The following SPRING1 variants were observed in gnomAD, a reference collection of about 807,000 sequenced individuals.
The protein encoded by SPRING1 is SREBP regulating gene protein.
SPRING1 carries 14 observed loss-of-function variants against 24.7 expected under a neutral mutation model. The observed-to-expected ratio is 0.57, with a 90% CI of 0.37 to 0.88. The LOEUF (loss-of-function observed/expected upper bound fraction) is 0.88, where lower values mean the gene tolerates loss of function less well. Ranked by LOEUF, SPRING1 falls within the 40% of genes least tolerant of loss-of-function variation. The pLI is 0.00. For synonymous variants in SPRING1, 93 were observed against 106.1 expected (o/e 0.88, Z 0.76); for missense variants, 255 against 268.4 (o/e 0.95, Z 0.35).
intron 4 of SPRING1, among the ~76,000 whole-genome samples, chr12:116,719,059 C>T (rs1271526926): frequency 5.3e-5 from 8 of 152,186 alleles, no homozygotes; most frequent in Non-Finnish European, 1.2e-4. Flanking sequence ...CTTAGAGACA[C>T]CATGAATAGG....
In SPRING1 at chr12:116,717,002, G is replaced by A. The variant is rs922118474; in HGVS notation, c.*808C>T. The stretch of plus-strand genomic sequence containing the variant: ...AAATGAGAACAAATTCCTCCAGGAA[G>A]AGAAATTAGATTTCTGCTAAAACAG... On this transcript the variant is annotated 3_prime_UTR_variant, in exon 5 of 5. Transcript: ENST00000261318. This position sits in a 1 kb window ranked among gnomAD's most constrained non-coding sequence, Gnocchi z 4.2. The A allele has an allele frequency of 5.3e-5, 8 of 152,318 alleles. No homozygotes were observed. The highest frequency in any genetic ancestry group is 1.7e-4 in the African/African-American group (7 of 41,570). The allele number at this position is 152,318 out of a possible 1,614,324, so 9.4% of individuals were successfully genotyped here.
At position 116,711,633 on chromosome 12, in the gene SPRING1, C is replaced by G. The variant is rs1490025629; in HGVS notation, c.*6177G>C. 1 of 152,186 alleles carries G rather than the reference C, an allele frequency of 6.6e-6. No homozygotes were observed. Among genetic ancestry groups the G allele is most frequent in the East Asian group, 1.9e-4 (1 of 5,196 alleles). 9.4% of individuals were successfully genotyped at this position (152,186 alleles called of 1,614,324 possible). A position where few individuals can be genotyped will look rare whatever the true frequency, so the allele number is the denominator to read the frequency against. ...TTAGACAACACTTTTTTCCCCTCCT[C>G]AGACAGGGTCTCACTCTGTGGCCCA... On this transcript the variant is annotated 3_prime_UTR_variant, in exon 5 of 5. Transcript: ENST00000261318.
intron 1 of SPRING1, among the ~76,000 whole-genome samples, chr12:116,737,248 C>A (rs998568680): frequency 2.6e-5 from 4 of 152,168 alleles, no homozygotes; most frequent in Non-Finnish European, 5.9e-5. Context: ...GCACCTCTCC[C>A]CACCCTCGGA....
At chr12:116,735,574 A>C (rs1871179007) in intron 1 of SPRING1, among the ~76,000 whole-genome samples, 1 of 151,840 alleles carries the variant, frequency 6.6e-6, no homozygotes, top group Non-Finnish European at 1.5e-5. Context: ...TCTATTAAAA[A>C]TACAAAAATT....
rs1869886931 is a variant in SPRING1 at position 116,711,878 on chromosome 12, G to C, written c.*5932C>G. The C allele has an allele frequency of 6.6e-6, 1 of 152,314 alleles. No individual in the cohort carries two copies. Among genetic ancestry groups the C allele is most frequent in the Non-Finnish European group, 1.5e-5 (1 of 68,164 alleles). 9.4% of individuals were successfully genotyped at this position (152,314 alleles called of 1,614,324 possible). ...AATCCTCTCACCTTGGCCTCCCAAAGTGCTGGGATTACAGGTGTGAGCCAC... is the reference window on the plus strand; with the variant it reads ...AATCCTCTCACCTTGGCCTCCCAAACTGCTGGGATTACAGGTGTGAGCCAC... On this transcript the variant is annotated 3_prime_UTR_variant, in exon 5 of 5. Transcript: ENST00000261318.
rs2137024621 is a variant in SPRING1 at position 116,714,123 on chromosome 12, G to C, written c.*3687C>G. On this transcript the variant is annotated 3_prime_UTR_variant, in exon 5 of 5. Transcript: ENST00000261318. ...CATCGACACCTCACAGTGACCCTGA[G>C]AGGCAGATGCTGTGACCCCATTTCA... 1 of 152,230 alleles carries C rather than the reference G, an allele frequency of 6.6e-6. No individual in the cohort carries two copies. The highest frequency in any genetic ancestry group is 1.9e-4 in the East Asian group (1 of 5,180). 9.4% of individuals were successfully genotyped at this position (152,230 alleles called of 1,614,324 possible).
Position 116,712,234 on chromosome 12 carries a change from GAC to G in SPRING1, c.*5574_*5575del, listed in dbSNP as rs953816133. 9.9e-5 allele frequency: 15 copies of G among 152,204 alleles called. No homozygotes were observed. The highest frequency in any genetic ancestry group is 3.4e-4 in the African/African-American group (14 of 41,456). The allele number at this position is 152,204 out of a possible 1,614,324, so 9.4% of individuals were successfully genotyped here. ...TTAAAGTCTGCACTTTCATTTTACAGACAGTCCTACAGTTCAACTCCAACATC... is the reference window on the plus strand; with the variant it reads ...TTAAAGTCTGCACTTTCATTTTACAGAGTCCTACAGTTCAACTCCAACATC... On this transcript the variant is annotated 3_prime_UTR_variant, in exon 5 of 5. Coordinates refer to ENST00000261318, the MANE Select transcript of SPRING1 (RefSeq NM_024738.4).
Position 116,737,952 on chromosome 12 carries a change from G to A in SPRING1, c.-52C>T, listed in dbSNP as rs2137053626. 7.6e-7 allele frequency: 1 copy of A among 1,322,718 alleles called. No homozygotes were observed. Among genetic ancestry groups the A allele is most frequent in the Non-Finnish European group, 9.7e-7 (1 of 1,034,226 alleles). 81.9% of individuals were successfully genotyped at this position (1,322,718 alleles called of 1,614,324 possible). A position where few individuals can be genotyped will look rare whatever the true frequency, so the allele number is the denominator to read the frequency against. ...CCGGGGCGCGGAACGCGGCAGGCCC[G>A]GGTCCCGGGCGGCATGGCCCCTACG... is the stretch of plus-strand genomic sequence containing the variant. On this transcript the variant is annotated 5_prime_UTR_variant, in exon 1 of 5. Coordinates refer to ENST00000261318, the MANE Select transcript of SPRING1 (RefSeq NM_024738.4).
At chr12:116,734,359 A>G (rs1164975657) in intron 1 of SPRING1, among the ~76,000 whole-genome samples, 1 of 152,170 alleles carries the variant, frequency 6.6e-6, no homozygotes, top group Non-Finnish European at 1.5e-5. Flanking sequence ...TAGCAAAATC[A>G]CCTAAAGATG....
At chr12:116,725,869 A>G (rs941432088) in intron 1 of SPRING1, among the ~76,000 whole-genome samples, 3 of 152,114 alleles carry the variant, frequency 2.0e-5, no homozygotes, top group Admixed American at 1.3e-4. Context: ...CTGGGCGACA[A>G]AGTGAGACTC....
At position 116,716,029 on chromosome 12, in the gene SPRING1, C is replaced by T. The variant is rs1870111540; in HGVS notation, c.*1781G>A. 6.6e-6 allele frequency: 1 copy of T among 152,200 alleles called. No homozygotes were observed. The highest frequency in any genetic ancestry group is 2.4e-5 in the African/African-American group (1 of 41,434). The allele number at this position is 152,200 out of a possible 1,614,324, so 9.4% of individuals were successfully genotyped here. On this transcript the variant is annotated 3_prime_UTR_variant, in exon 5 of 5. Transcript: ENST00000261318. ...GATTCCAATGTCAACCCAGGGAAGA[C>T]AGACACTGAAATTCCAAACTGAGTT...
chr12:116,719,977 G>C (rs962333152), intron 3 of SPRING1, 101 bp from the exon 4 acceptor site: 3 of 1,048,564 alleles, frequency 2.9e-6, no homozygotes, highest in African/African-American at 3.1e-5. Flanking sequence ...TACAGGGAAG[G>C]GGGGAAGAGG....
intron 1 of SPRING1, among the ~76,000 whole-genome samples, chr12:116,735,909 G>A (rs1592926368): frequency 1.3e-5 from 2 of 151,780 alleles, no homozygotes; most frequent in South Asian, 2.1e-4. Flanking sequence ...GCATGGTGGC[G>A]CATGCCTGTA....
Position 116,717,784 on chromosome 12 carries a change from A to G in SPRING1, c.*26T>C, listed in dbSNP as rs1272788854. ...GTTCTTCAGCGGGGCCTCCTCACCC[A>G]GGCTGGAGCAAGTCCGCTGCACCCG... is the stretch of plus-strand genomic sequence containing the variant. On this transcript the variant is annotated 3_prime_UTR_variant, in exon 5 of 5. Transcript: ENST00000261318. The surrounding 1 kb of genome is among the most constrained non-coding windows in gnomAD (Gnocchi z 4.2). The G allele has an allele frequency of 6.4e-7, 1 of 1,558,732 alleles. No individual in the cohort carries two copies. Among genetic ancestry groups the G allele is most frequent in the East Asian group, 2.3e-5 (1 of 42,712 alleles).
intron 2 of SPRING1, among the ~76,000 whole-genome samples, chr12:116,722,560 G>C (rs1326106664): frequency 6.6e-6 from 1 of 152,136 alleles, no homozygotes; most frequent in Non-Finnish European, 1.5e-5. Flanking sequence ...AATATGATTT[G>C]CTTTTTCAAT....
chr12:116,717,734 G>A lies in SPRING1; in HGVS notation c.*76C>T, dbSNP rs1870214320. The A allele has an allele frequency of 2.3e-6, 3 of 1,306,976 alleles. No homozygotes were observed. The highest frequency in any genetic ancestry group is 2.1e-6 in the Non-Finnish European group (2 of 948,728). 81.0% of individuals were successfully genotyped at this position (1,306,976 alleles called of 1,614,324 possible). A position where few individuals can be genotyped will look rare whatever the true frequency, so the allele number is the denominator to read the frequency against. On this transcript the variant is annotated 3_prime_UTR_variant, in exon 5 of 5. Coordinates refer to ENST00000261318, the MANE Select transcript of SPRING1 (RefSeq NM_024738.4). This position sits in a 1 kb window ranked among gnomAD's most constrained non-coding sequence, Gnocchi z 4.2. ...CTTCTTCCTGCAGCCTGGCCCGATG[G>A]CTGAAGCTGGGTCCCAGGAGGCGAG...
At chr12:116,729,408 C>T (rs1236445111) in intron 1 of SPRING1, among the ~76,000 whole-genome samples, 1 of 152,258 alleles carries the variant, frequency 6.6e-6, no homozygotes, top group Non-Finnish European at 1.5e-5. Context: ...GTTTGGAAAA[C>T]AGTTGTGCAG....
chr12:116,721,136 A>G (rs1166710753), intron 2 of SPRING1, among the ~76,000 whole-genome samples: 1 of 152,174 alleles, frequency 6.6e-6, no homozygotes, highest in Non-Finnish European at 1.5e-5. Flanking sequence ...CTTCCAACCC[A>G]GCCCATTCAT....
At chr12:116,718,992 A>G (rs1413299914) in intron 4 of SPRING1, among the ~76,000 whole-genome samples, 1 of 152,254 alleles carries the variant, frequency 6.6e-6, no homozygotes, top group African/African-American at 2.4e-5. Context: ...GGCAAAGGGT[A>G]CAAGAGCTTT....
Sources: gnomAD v4.1 joint callset for allele counts (sites outside exome capture counted in the v4.1 genomes callset) on GRCh38, gnomAD v4.1.1 for gene constraint, Gnocchi (gnomAD v3.1) non-coding constraint, MANE v1.5 for transcripts, NCBI Gene and HGNC (gene_info 2026-07-23, HGNC 2026-07-21) for gene names.